TNS1: variants seen among roughly 807,000 people sequenced by gnomAD.
The protein encoded by TNS1 is tensin 1, also known as tensin-1.
In TNS1, 62 loss-of-function variants were observed where a neutral mutation model predicts 168.6. That is an observed-to-expected ratio of 0.37 (90% confidence interval 0.30 to 0.45). The LOEUF (loss-of-function observed/expected upper bound fraction) is 0.45. Ranked by LOEUF, TNS1 falls within the 20% of genes least tolerant of loss-of-function variation. TNS1 has a pLI of 1.00. For missense variants in TNS1, 2,240 were observed against 2,339.4 expected (o/e 0.96, Z 0.88); for synonymous variants, 934 against 933.2 (o/e 1.00, Z -0.02).
intron 3 of TNS1, among the ~76,000 whole-genome samples, chr2:217,975,041 T>A (rs1351236540): frequency 2.0e-5 from 3 of 152,222 alleles, no homozygotes; most frequent in Admixed American, 6.5e-5. Context: ...GGGTTCTGCC[T>A]TGCTCTCTCT....
chr2:217,873,617 G>A (rs540464570), intron 18 of TNS1, among the ~76,000 whole-genome samples: 2 of 152,210 alleles, frequency 1.3e-5, no homozygotes, highest in African/African-American at 2.4e-5. Flanking sequence ...CTGCAGGGGT[G>A]AGAGATTTCA....
At chr2:218,001,734 C>G (rs990693924) in intron 1 of TNS1, among the ~76,000 whole-genome samples, 1 of 152,234 alleles carries the variant, frequency 6.6e-6, no homozygotes, top group East Asian at 1.9e-4. Flanking sequence ...AGGCCCCCTC[C>G]CCCACCCTTT....
chr2:217,910,642 G>T (rs562464339), intron 4 of TNS1, among the ~76,000 whole-genome samples: 2 of 150,592 alleles, frequency 1.3e-5, no homozygotes, highest in South Asian at 4.2e-4. Context: ...GGACCCTCTG[G>T]AACCAAAGCC....
chr2:218,013,503 C>T (rs1042702261), upstream of TNS1, among the ~76,000 whole-genome samples: 1 of 152,190 alleles, frequency 6.6e-6, no homozygotes, highest in African/African-American at 2.4e-5. Flanking sequence ...CTGCAGCCCC[C>T]ATGTGGAGGT....
At chr2:217,924,970 T>G (rs1475939978) in intron 3 of TNS1, among the ~76,000 whole-genome samples, 1 of 152,126 alleles carries the variant, frequency 6.6e-6, no homozygotes, top group East Asian at 1.9e-4. Context: ...AAGCTAGGGG[T>G]ACACAATTAC....
intron 3 of TNS1, among the ~76,000 whole-genome samples, chr2:217,929,464 C>A (rs937113195): frequency 2.6e-5 from 4 of 152,116 alleles, no homozygotes; most frequent in Non-Finnish European, 2.9e-5. Context: ...GCAAGCCTAC[C>A]GGGGCAGGGT....
chr2:217,854,000 A>C (rs1168939011), intron 18 of TNS1, among the ~76,000 whole-genome samples: 2 of 152,232 alleles, frequency 1.3e-5, no homozygotes, highest in African/African-American at 4.8e-5. Context: ...CTGTTTTCTA[A>C]TTCTGATGTT....
At chr2:217,851,139 CAT>C (rs150370973) in intron 18 of TNS1, among the ~76,000 whole-genome samples, 12,381 of 152,052 alleles carry the variant, frequency 0.081, 816 homozygotes, top group East Asian at 0.29. Context: ...CACACACACA[CAT>C]ACACACAAAT....
intron 19 of TNS1, among the ~76,000 whole-genome samples, chr2:217,842,717 A>G (rs979904552): frequency 5.9e-5 from 9 of 152,114 alleles, no homozygotes; most frequent in African/African-American, 1.9e-4. Context: ...CAATCACCTC[A>G]AAGACCCTCT....
intron 28 of TNS1, among the ~76,000 whole-genome samples, chr2:217,811,347 G>A (rs1940860814): frequency 6.6e-6 from 1 of 152,168 alleles, no homozygotes; most frequent in Non-Finnish European, 1.5e-5. Flanking sequence ...TCTGAATTGT[G>A]TCATTGGTTA....
chr2:217,945,383 G>GAGAT (rs34136868), intron 3 of TNS1, among the ~76,000 whole-genome samples: 2 of 152,198 alleles, frequency 1.3e-5, no homozygotes, highest in Non-Finnish European at 2.9e-5. Flanking sequence ...GAGCCACAGG[G>GAGAT]AGATGGCCAG....
intron 8 of TNS1, among the ~76,000 whole-genome samples, chr2:217,897,442 T>G (rs1450428549): frequency 1.3e-5 from 2 of 152,208 alleles, no homozygotes; most frequent in African/African-American, 4.8e-5. Flanking sequence ...GCCTGCTTGC[T>G]AGGGCTGCTG....
chr2:217,903,723 T>C, intron 6 of TNS1: 1 of 902,360 alleles, frequency 1.1e-6, no homozygotes, highest in South Asian at 1.5e-5. Flanking sequence ...CTAACCCTCA[T>C]CCTTCCTGCT....
At position 217,818,022 on chromosome 2, in the gene TNS1, C is replaced by G; in HGVS notation, c.4310G>C (p.Arg1437Thr). ...YGGYSTPEDR[R>T]PTLSRQSSAS... ...ACTGCTCTGCCGGGACAGTGTGGGT[C>G]TCCGATCCTCCGGGGTAGAATAGCC... The change falls in exon 24 of 33, where the codon AGA (arginine) becomes ACA (threonine). Residue 1437 changes from arginine (R) to threonine (T), a missense_variant. This residue lies in a region of TNS1 where 2,131 missense variants were observed against 2,171.2 expected (regional missense o/e 0.98). Coordinates refer to ENST00000682258, the MANE Select transcript of TNS1 (RefSeq NM_001387777.1). The G allele has an allele frequency of 6.3e-7, 1 of 1,596,932 alleles. No homozygotes were observed. Among genetic ancestry groups the G allele is most frequent in the Non-Finnish European group, 8.5e-7 (1 of 1,171,780 alleles).
At chr2:217,980,348 G>A (rs920195227) in intron 2 of TNS1, among the ~76,000 whole-genome samples, 15 of 152,138 alleles carry the variant, frequency 9.9e-5, no homozygotes, top group East Asian at 9.7e-4. Flanking sequence ...CCACCAGCCC[G>A]GGTAGCAACT....
chr2:217,868,595 C>T (rs549592646), intron 18 of TNS1, among the ~76,000 whole-genome samples: 4 of 152,330 alleles, frequency 2.6e-5, no homozygotes, highest in South Asian at 2.1e-4. Context: ...GTATAACAGT[C>T]GCTGAGCTAG....
chr2:217,826,620 G>A (rs543061807), intron 22 of TNS1, among the ~76,000 whole-genome samples: 32 of 152,264 alleles, frequency 2.1e-4, no homozygotes, highest in East Asian at 1.9e-3. Context: ...GCTCCTAGCC[G>A]CCCATCCCTG....
At chr2:217,847,450 T>G in intron 19 of TNS1, 60 bp downstream of exon 19, 1 of 1,361,262 alleles carries the variant, frequency 7.3e-7, no homozygotes, top group Non-Finnish European at 9.6e-7. Flanking sequence ...GACCTGCACC[T>G]CCCCCCAGCA....
intron 18 of TNS1, among the ~76,000 whole-genome samples, chr2:217,871,348 C>T: frequency 6.6e-6 from 1 of 152,176 alleles, no homozygotes; most frequent in East Asian, 1.9e-4. Context: ...AGGGCTATCC[C>T]CTCTGGAGGC....
Sources: gnomAD v4.1 joint callset for allele counts (sites outside exome capture counted in the v4.1 genomes callset) on GRCh38, gnomAD v4.1.1 for gene constraint, gnomAD v4.1.1 regional missense constraint, MANE v1.5 for transcripts, NCBI Gene and HGNC (gene_info 2026-07-23, HGNC 2026-07-21) for gene names.